Variants in LYPD6 observed in about 807,000 individuals in gnomAD.
LYPD6 encodes the protein ly6/PLAUR domain-containing protein 6.
Under a neutral mutation model 22.7 loss-of-function variants are expected in LYPD6, and 15 were observed. That is an observed-to-expected ratio of 0.66 (90% CI 0.44 to 1.02). The LOEUF (loss-of-function observed/expected upper bound fraction) is 1.02, where lower values mean the gene tolerates loss of function less well. Among genes scored for constraint, LYPD6 ranks in the 50% least tolerant of loss-of-function variants. The probability of loss-of-function intolerance (pLI) is 0.00; values close to 1 mark genes in which losing one functional copy is unlikely to be tolerated. For synonymous variants in LYPD6, 72 were observed against 77.5 expected, an observed-to-expected ratio of 0.93 and a Z score of 0.37; for missense variants, 189 against 208.4, an observed-to-expected ratio of 0.91 and a Z score of 0.57.
At chr2:149,389,034 G>A (rs1408383567) in intron 1 of LYPD6, among the ~76,000 whole-genome samples, 4 of 152,054 alleles carry the variant, frequency 2.6e-5, no homozygotes, top group African/African-American at 7.2e-5. Flanking sequence ...GTCAGATCAG[G>A]TTACAGCATA....
chr2:149,337,611 C>G (rs1681062094), intron 1 of LYPD6, among the ~76,000 whole-genome samples: 2 of 151,682 alleles, frequency 1.3e-5, no homozygotes, highest in African/African-American at 4.9e-5. Flanking sequence ...TATATAATCC[C>G]AGTTAGCTCT....
chr2:149,423,501 G>A (rs192914783), intron 1 of LYPD6, among the ~76,000 whole-genome samples: 7 of 152,198 alleles, frequency 4.6e-5, no homozygotes, highest in African/African-American at 1.4e-4. Context: ...ATTAAGCAAG[G>A]TTTAGAGTTG....
chr2:149,380,547 T>C (rs1682036689), intron 1 of LYPD6, among the ~76,000 whole-genome samples: 1 of 151,918 alleles, frequency 6.6e-6, no homozygotes, highest in Non-Finnish European at 1.5e-5. Flanking sequence ...AACATGGGAG[T>C]GGCCATTAAC....
intron 3 of LYPD6, among the ~76,000 whole-genome samples, chr2:149,468,367 G>A (rs1331385614): frequency 2.0e-5 from 3 of 152,072 alleles, no homozygotes; most frequent in African/African-American, 2.4e-5. Context: ...TCAGTCCAGT[G>A]GCAAAATTTG....
At chr2:149,413,651 A>G (rs760663392) in intron 1 of LYPD6, among the ~76,000 whole-genome samples, 2 of 152,086 alleles carry the variant, frequency 1.3e-5, no homozygotes, top group Non-Finnish European at 2.9e-5. Context: ...TTGGCCTTTT[A>G]ATCTAGTTGT....
chr2:149,442,987 G>A (rs1385112557), intron 2 of LYPD6, among the ~76,000 whole-genome samples: 2 of 152,164 alleles, frequency 1.3e-5, no homozygotes, highest in Admixed American at 6.5e-5. Context: ...GGTTGTCAAC[G>A]ATACGTGCTG....
At chr2:149,419,953 A>C (rs1369050877) in intron 1 of LYPD6, among the ~76,000 whole-genome samples, 1 of 152,234 alleles carries the variant, frequency 6.6e-6, no homozygotes, top group African/African-American at 2.4e-5. Flanking sequence ...TCTACGTTAC[A>C]GAGTGAAATC....
At chr2:149,463,958 G>A (rs558125084) in intron 3 of LYPD6, among the ~76,000 whole-genome samples, 1 of 152,006 alleles carries the variant, frequency 6.6e-6, no homozygotes, top group Non-Finnish European at 1.5e-5. Context: ...ATCTTGATTG[G>A]GTTAATGTCA....
At chr2:149,452,191 T>A (rs989235289) in intron 3 of LYPD6, among the ~76,000 whole-genome samples, 1 of 152,156 alleles carries the variant, frequency 6.6e-6, no homozygotes, top group Non-Finnish European at 1.5e-5. Flanking sequence ...CTAGTTTGTA[T>A]GAGAGAATTA....
At position 149,470,778 on chromosome 2, in the gene LYPD6, G is replaced by A. The variant is rs372834550; in HGVS notation, c.444G>A (p.Gln148=). 4 of 1,613,672 alleles carry A rather than the reference G, an allele frequency of 2.5e-6. No individual in the cohort carries two copies. The highest frequency in any genetic ancestry group is 2.7e-5 in the African/African-American group (2 of 74,876). The change falls in exon 5 of 5, where the codon CAG becomes CAA. Residue 148 remains glutamine, a synonymous_variant. Coordinates refer to ENST00000334166, the MANE Select transcript of LYPD6 (RefSeq NM_194317.5). ...TTGCCACGACGTCACCTATAAATCA[G>A]ACAAATGGGCACCCACGCTGTATGT... ...ATFATTSPIN[Q]TNGHPRCMSV... is the part of the protein sequence containing the mutation.
At chr2:149,388,250 AG>A (rs1342904532) in intron 1 of LYPD6, among the ~76,000 whole-genome samples, 1 of 151,168 alleles carries the variant, frequency 6.6e-6, no homozygotes, top group Non-Finnish European at 1.5e-5. Context: ...TTAGAAGCAG[AG>A]GAAGTGTACT....
intron 1 of LYPD6, among the ~76,000 whole-genome samples, chr2:149,389,142 A>C (rs1559134434): frequency 6.6e-6 from 1 of 152,178 alleles, no homozygotes; most frequent in Non-Finnish European, 1.5e-5. Flanking sequence ...AGACTTATGA[A>C]ATTGTATTCC....
rs1208056455 is a variant in LYPD6, at chr2:149,437,704, C to G, written c.-5C>G. ...CCCTCTGTATGAGTGACACTTCAGT[C>G]TGCCATGGAACCTGGCCCTGCTCTG... is the stretch of plus-strand genomic sequence containing the variant. On this transcript the variant is annotated 5_prime_UTR_variant, in exon 2 of 5. Transcript: ENST00000334166. 1 of 1,614,032 alleles carries G rather than the reference C, an allele frequency of 6.2e-7. No individual in the cohort carries two copies.
At chr2:149,426,362 A>T (rs1683189138) in intron 1 of LYPD6, among the ~76,000 whole-genome samples, 1 of 152,182 alleles carries the variant, frequency 6.6e-6, no homozygotes, top group South Asian at 2.1e-4. Context: ...AGGACACAAG[A>T]TTCAGTATGA....
rs564555946 is a variant in LYPD6 at position 149,403,163 on chromosome 2, C to A, written c.-71-34475C>A. Reference sequence around the variant, plus strand: ...CATTTGGGTTGGTTCCAAGTCTTTGCTATTGTGAATAGTGCCGCAGTAAAC... The same window carrying A: ...CATTTGGGTTGGTTCCAAGTCTTTGATATTGTGAATAGTGCCGCAGTAAAC... On this transcript the variant is annotated intron_variant, in intron 1 of 4. Transcript: ENST00000334166. Among the ~76,000 whole-genome samples the A allele has an allele frequency of 2.8e-3, 422 of 152,236 alleles. 9 individuals carry two copies. The highest frequency in any genetic ancestry group is 0.026 in the Admixed American group (392 of 15,294).
In LYPD6 at chr2:149,437,805, A is replaced by C. The variant is rs1683468041; in HGVS notation, c.97A>C (p.Ile33Leu). 6.2e-7 allele frequency: 1 copy of C among 1,614,050 alleles called. No homozygotes were observed. The highest frequency in any genetic ancestry group is 8.5e-7 in the Non-Finnish European group (1 of 1,180,006). The change falls in exon 2 of 5, where the codon ATT becomes CTT. Residue 33 changes from isoleucine to leucine, a missense_variant. Coordinates refer to ENST00000334166, the MANE Select transcript of LYPD6 (RefSeq NM_194317.5). ...AQSRDFTVKD[I>L]IYLHPSTTPY... ...GTCCCGAGACTTCACAGTGAAAGAC[A>C]TTATCTACCTCCATCCTTCAAGTAA...
intron 1 of LYPD6, among the ~76,000 whole-genome samples, chr2:149,358,492 A>C (rs1681511058): frequency 6.6e-6 from 1 of 152,200 alleles, no homozygotes; most frequent in South Asian, 2.1e-4. Context: ...AGAGGGCCAG[A>C]AAGAAGGCCA....
intron 1 of LYPD6, among the ~76,000 whole-genome samples, chr2:149,348,762 T>C (rs1681307770): frequency 6.6e-6 from 1 of 152,160 alleles, no homozygotes; most frequent in Admixed American, 6.5e-5. Flanking sequence ...ATTAAATGAT[T>C]TTAAAGATCA....
upstream of LYPD6, chr2:149,330,016 T>C (rs2105037301): frequency 1.3e-5 from 2 of 152,298 alleles, no homozygotes; most frequent in African/African-American, 4.8e-5. Flanking sequence ...CCGCCTTCCC[T>C]GGGTTCGGAG....
Sources: gnomAD v4.1 joint callset for allele counts (sites outside exome capture counted in the v4.1 genomes callset) on GRCh38, gnomAD v4.1.1 for gene constraint, MANE v1.5 for transcripts, NCBI Gene and HGNC (gene_info 2026-07-23, HGNC 2026-07-21) for gene names.